The following PLXNA2 variants were observed in gnomAD, a reference collection of about 807,000 sequenced individuals.
The protein encoded by PLXNA2 is plexin A2, also known as plexin-A2.
PLXNA2 carries 91 observed loss-of-function variants against 193.5 expected under a neutral mutation model. The observed-to-expected ratio is 0.47, with a 90% CI of 0.40 to 0.56. The LOEUF (loss-of-function observed/expected upper bound fraction) is 0.56, where lower values mean the gene tolerates loss of function less well. Among genes scored for constraint, PLXNA2 ranks in the 20% least tolerant of loss-of-function variants. The probability of loss-of-function intolerance (pLI) is 0.00; values close to 1 mark genes in which losing one functional copy is unlikely to be tolerated. For synonymous variants in PLXNA2, 997 were observed against 1,027.3 expected (o/e 0.97, Z 0.56); for missense variants, 1,995 against 2,503.2 (o/e 0.80, Z 4.33).
intron 4 of PLXNA2, among the ~76,000 whole-genome samples, chr1:208,117,519 C>A (rs534449590): frequency 6.6e-6 from 1 of 152,182 alleles, no homozygotes; most frequent in African/African-American, 2.4e-5. Context: ...GACCCCACTG[C>A]GGACATCTGT....
chr1:208,219,804 G>A (rs1370857651), intron 1 of PLXNA2, among the ~76,000 whole-genome samples: 1 of 152,152 alleles, frequency 6.6e-6, no homozygotes, highest in Admixed American at 6.5e-5. Context: ...AAAGAGGAAG[G>A]CAACACCGGC....
rs1161861289 is a variant in PLXNA2 at position 208,181,328 on chromosome 1, C to T, written c.1371+28952G>A. On this transcript the variant is annotated intron_variant, in intron 3 of 31. Transcript: ENST00000367033. ...GGGTGCAGGGAAGGCCCTGTCTGTT[C>T]TCTGGTCTTTCCTTCAGGGGGCCAG... 7.9e-5 allele frequency among the ~76,000 whole-genome samples: 12 copies of T among 152,292 alleles called. 1 individual carries two copies. In the East Asian group the frequency reaches 2.3e-3, roughly 29 times the overall value.
rs535835310 is a variant in PLXNA2, at chr1:208,243,992, G to A, written c.-430C>T. The A allele has an allele frequency of 6.6e-6, 1 of 152,440 alleles. No homozygotes were observed. Among genetic ancestry groups the A allele is most frequent in the Admixed American group, 6.5e-5 (1 of 15,306 alleles). 9.4% of individuals were successfully genotyped at this position (152,440 alleles called of 1,614,324 possible). A position where few individuals can be genotyped will look rare whatever the true frequency, so the allele number is the denominator to read the frequency against. On this transcript the variant is annotated 5_prime_UTR_variant, in exon 1 of 32. Transcript: ENST00000367033. Reference sequence around the variant, plus strand: ...TCTCCTGAGGAAGAAGCAGAGCCCCGGCTGTCTTCAGATTTTTCCAGCGCG... The same window carrying A: ...TCTCCTGAGGAAGAAGCAGAGCCCCAGCTGTCTTCAGATTTTTCCAGCGCG...
At position 208,042,276 on chromosome 1, in the gene PLXNA2, G is replaced by A. The variant is rs768438426; in HGVS notation, c.4108C>T (p.Arg1370Cys). The change falls in exon 22 of 32, where the codon CGC (arginine) becomes TGC (cysteine). Residue 1370 changes from arginine (R) to cysteine (C), a missense_variant. Coordinates refer to ENST00000367033, the MANE Select transcript of PLXNA2 (RefSeq NM_025179.4). ...AAACTGCGCTGCAGCTCCAGGGTGC[G>A]GATGAAGGTCAGCAGGAACACCTTG... ...NNKVFLLTFI[R>C]TLELQRSFSM... 6.2e-7 allele frequency: 1 copy of A among 1,614,086 alleles called. No homozygotes were observed. Among genetic ancestry groups the A allele is most frequent in the Non-Finnish European group, 8.5e-7 (1 of 1,180,034 alleles).
chr1:208,058,462 C>A (rs1316664676), intron 13 of PLXNA2, among the ~76,000 whole-genome samples: 6 of 152,230 alleles, frequency 3.9e-5, no homozygotes, highest in African/African-American at 1.4e-4. Flanking sequence ...GCACCGGGTC[C>A]TTTTAGCCAA....
At chr1:208,242,914 A>G (rs986918003) in intron 1 of PLXNA2, among the ~76,000 whole-genome samples, 3 of 152,140 alleles carry the variant, frequency 2.0e-5, no homozygotes, top group African/African-American at 7.2e-5. Context: ...GGAAGGAAAC[A>G]TTCTCAAATG....
intron 29 of PLXNA2, 142 bp from the exon 30 acceptor site, chr1:208,029,184 G>T: frequency 6.9e-7 from 1 of 1,455,348 alleles, no homozygotes; most frequent in South Asian, 1.4e-5. Flanking sequence ...GGTCCAGCCA[G>T]GGTTAATTTA....
At chr1:208,194,460 C>CAA (rs10522096) in intron 3 of PLXNA2, among the ~76,000 whole-genome samples, 29 of 93,948 alleles carry the variant, frequency 3.1e-4, no homozygotes, top group East Asian at 5.7e-4. Context: ...CAGCTTACTG[C>CAA]AAAAAAAAAA....
intron 1 of PLXNA2, among the ~76,000 whole-genome samples, chr1:208,227,358 G>C (rs185619870): frequency 3.3e-4 from 50 of 152,300 alleles, no homozygotes; most frequent in African/African-American, 1.1e-3. Context: ...AGGTGAGCAT[G>C]ACTATCCCCA....
At chr1:208,042,020 G>C in intron 22 of PLXNA2, 78 bp downstream of exon 22, 1 of 1,471,324 alleles carries the variant, frequency 6.8e-7, no homozygotes. Flanking sequence ...CATGCTGCTT[G>C]TGGGGCCTGC....
At position 208,039,749 on chromosome 1, in the gene PLXNA2, G is replaced by A; in HGVS notation, c.4372C>T (p.Leu1458Phe). 6.2e-7 allele frequency: 1 copy of A among 1,614,156 alleles called. No homozygotes were observed. Among genetic ancestry groups the A allele is most frequent in the South Asian group, 1.1e-5 (1 of 91,082 alleles). Residue 1458 changes from leucine (L) to phenylalanine (F), a missense_variant, in exon 24 of 32, where the codon CTC becomes TTC. Leu to Phe is a conservative substitution (Grantham distance 22). This residue lies in a region of PLXNA2 where 1,291 missense variants were observed against 1,673.6 expected (regional missense o/e 0.77). Coordinates refer to ENST00000367033, the MANE Select transcript of PLXNA2 (RefSeq NM_025179.4). ...KFLKECAGEP[L>F]FMLYCAIKQQ... Reference sequence around the variant, plus strand: ...TTGATGGCACAGTATAGCATGAAGAGTGGCTCCCCTGCGCACTCCTGTGGG... The same window carrying A: ...TTGATGGCACAGTATAGCATGAAGAATGGCTCCCCTGCGCACTCCTGTGGG...
intron 12 of PLXNA2, among the ~76,000 whole-genome samples, chr1:208,065,998 C>G (rs1291327873): frequency 1.3e-5 from 2 of 151,952 alleles, no homozygotes; most frequent in Non-Finnish European, 2.9e-5. Flanking sequence ...AATGAGACAC[C>G]CACACAAACA....
chr1:208,026,013 G>T lies in PLXNA2; in HGVS notation c.*1230C>A, dbSNP rs972067204. ...TCCAGGCACGAGAGAATGAAAGAAA[G>T]AAAGCATAATAATAAATACTGCAGC... On this transcript the variant is annotated 3_prime_UTR_variant, in exon 32 of 32. Transcript: ENST00000367033. 2.0e-5 allele frequency: 3 copies of T among 152,668 alleles called. No homozygotes were observed. Among genetic ancestry groups the T allele is most frequent in the Non-Finnish European group, 4.4e-5 (3 of 68,056 alleles). 9.5% of individuals were successfully genotyped at this position (152,668 alleles called of 1,614,324 possible).
At position 208,211,458 on chromosome 1, in the gene PLXNA2, C is replaced by T. The variant is rs548911071; in HGVS notation, c.1189-996G>A. On this transcript the variant is annotated intron_variant, in intron 2 of 31. Coordinates refer to ENST00000367033, the MANE Select transcript of PLXNA2 (RefSeq NM_025179.4). ...CCTGTAATCCCAGCACTTTGGGAGG[C>T]CAAGGCGGGCAGTTCACGAAGTCAG... Among the ~76,000 whole-genome samples, 29 of 152,246 alleles carry T rather than the reference C, an allele frequency of 1.9e-4. No homozygotes were observed. In the South Asian group the frequency reaches 5.6e-3, roughly 29 times the overall value.
chr1:208,090,501 T>C (rs932775521), intron 9 of PLXNA2, among the ~76,000 whole-genome samples: 35 of 152,134 alleles, frequency 2.3e-4, no homozygotes, highest in African/African-American at 7.2e-4. Context: ...GACTTCCGAA[T>C]GGTGTGAGGA....
At chr1:208,092,979 T>G (rs1666765049) in intron 8 of PLXNA2, 79 bp from the exon 9 acceptor site, 1 of 959,498 alleles carries the variant, frequency 1.0e-6, no homozygotes, top group African/African-American at 1.6e-5. Flanking sequence ...AGAAGTCTGT[T>G]AACCTGTGTT....
intron 4 of PLXNA2, among the ~76,000 whole-genome samples, chr1:208,104,484 GA>G (rs1236738615): frequency 6.6e-6 from 1 of 152,232 alleles, no homozygotes; most frequent in African/African-American, 2.4e-5. Flanking sequence ...TGTTGTGTGG[GA>G]TTGCTGTGAG....
rs559132606 is a variant in PLXNA2, at chr1:208,031,685, G to C, written c.5130C>G (p.Pro1710=). 2.5e-6 allele frequency: 4 copies of C among 1,613,662 alleles called. No individual in the cohort carries two copies. The highest frequency in any genetic ancestry group is 2.5e-6 in the Non-Finnish European group (3 of 1,179,970). ...FSTVHRGSAL[P]LAIKYMFDFL... ...AATCAAACATGTACTTGATGGCCAG[G>C]GGGAGAGCGCTGCCCCGGTGCACAG... The change falls in exon 29 of 32, where the codon CCC becomes CCG. Residue 1710 remains proline, a synonymous_variant. Transcript: ENST00000367033.
At chr1:208,063,865 A>C (rs1665695596) in intron 12 of PLXNA2, among the ~76,000 whole-genome samples, 1 of 152,224 alleles carries the variant, frequency 6.6e-6, no homozygotes, top group Non-Finnish European at 1.5e-5. Context: ...GATGACTTCC[A>C]AATCCATAAG....
Sources: gnomAD v4.1 joint callset for allele counts (sites outside exome capture counted in the v4.1 genomes callset) on GRCh38, gnomAD v4.1.1 for gene constraint, gnomAD v4.1.1 regional missense constraint, MANE v1.5 for transcripts, NCBI Gene and HGNC (gene_info 2026-07-23, HGNC 2026-07-21) for gene names.